GUCY1A2: variants seen among roughly 807,000 people sequenced by gnomAD.
GUCY1A2 encodes the protein guanylate cyclase soluble subunit alpha-2.
GUCY1A2 carries 27 observed loss-of-function variants against 63.5 expected under a neutral mutation model. The observed-to-expected ratio is 0.43, with a 90% CI of 0.31 to 0.59. The LOEUF is 0.59. Among genes scored for constraint, GUCY1A2 ranks in the 20% least tolerant of loss-of-function variants. The pLI, the probability that GUCY1A2 is intolerant of heterozygous loss-of-function variation, is 0.11. For missense variants in GUCY1A2, 768 were observed against 913.3 expected (o/e 0.84, Z 2.05); for synonymous variants, 364 against 343.5 (o/e 1.06, Z -0.66).
chr11:106,845,739 C>T (rs1859261631), intron 4 of GUCY1A2, among the ~76,000 whole-genome samples: 1 of 151,484 alleles, frequency 6.6e-6, no homozygotes, highest in Non-Finnish European at 1.5e-5. Flanking sequence ...TAGAAAATCA[C>T]CATTTTGCCA....
Position 106,685,404 on chromosome 11 carries a change from G to C in GUCY1A2, c.*2145C>G, listed in dbSNP as rs1862508471. On this transcript the variant is annotated 3_prime_UTR_variant, in exon 8 of 8. Coordinates refer to ENST00000526355, the MANE Select transcript of GUCY1A2 (RefSeq NM_000855.3). ...TCTTAAGTATGGAGATAATAAATAT[G>C]TGTTTAGAGTAGTTGCTTAGACAAA... is the stretch of plus-strand genomic sequence containing the variant. 4.6e-6 allele frequency: 1 copy of C among 217,402 alleles called. No homozygotes were observed. The highest frequency in any genetic ancestry group is 2.2e-5 in the African/African-American group (1 of 44,472). 13.5% of individuals were successfully genotyped at this position (217,402 alleles called of 1,614,324 possible). A position where few individuals can be genotyped will look rare whatever the true frequency, so the allele number is the denominator to read the frequency against.
intron 7 of GUCY1A2, among the ~76,000 whole-genome samples, chr11:106,703,945 C>A (rs1031572586): frequency 6.6e-6 from 1 of 151,918 alleles, no homozygotes; most frequent in Middle Eastern, 3.4e-3. Context: ...TAATTATGTA[C>A]CTTAGCTTAA....
chr11:106,997,747 G>T (rs1861560126), intron 1 of GUCY1A2, among the ~76,000 whole-genome samples: 1 of 151,850 alleles, frequency 6.6e-6, no homozygotes, highest in Admixed American at 6.6e-5. Context: ...AATGTCGGTG[G>T]TTACCAACTT....
At position 106,939,446 on chromosome 11, in the gene GUCY1A2, T is replaced by C; in HGVS notation, c.1206+14A>G. ...TTCTAGTTCCCATCACCATCTCAAG[T>C]CCATAGCACTTACCTTGTCTTTATT... On this transcript the variant is annotated intron_variant, in intron 4 of 7. Transcript: ENST00000526355. 1.5e-6 allele frequency: 2 copies of C among 1,326,654 alleles called. No homozygotes were observed. Among genetic ancestry groups the C allele is most frequent in the Non-Finnish European group, 2.1e-6 (2 of 930,258 alleles). The allele number at this position is 1,326,654 out of a possible 1,614,324, so 82.2% of individuals were successfully genotyped here.
At chr11:107,002,730 T>A (rs551574932) in intron 1 of GUCY1A2, among the ~76,000 whole-genome samples, 2 of 152,198 alleles carry the variant, frequency 1.3e-5, no homozygotes, top group Non-Finnish European at 2.9e-5. Context: ...CCATAGTCAG[T>A]GCAGCTGCCA....
intron 5 of GUCY1A2, among the ~76,000 whole-genome samples, chr11:106,785,851 G>A (rs1321835713): frequency 6.8e-6 from 1 of 147,284 alleles, no homozygotes; most frequent in Non-Finnish European, 1.5e-5. Flanking sequence ...GTTAAAAATA[G>A]TACAATATTC....
chr11:106,838,539 T>C (rs1859147954), intron 4 of GUCY1A2, among the ~76,000 whole-genome samples: 1 of 151,992 alleles, frequency 6.6e-6, no homozygotes, highest in Non-Finnish European at 1.5e-5. Context: ...TTCATCTTTA[T>C]AAGCAGCCGC....
chr11:106,997,847 A>C (rs1168811277), intron 1 of GUCY1A2, among the ~76,000 whole-genome samples: 6 of 152,114 alleles, frequency 3.9e-5, no homozygotes, highest in Non-Finnish European at 5.9e-5. Context: ...TCTAAGTGGG[A>C]TAATGTATGT....
Position 106,955,824 on chromosome 11 carries a change from T to C in GUCY1A2, c.488-15646A>G, listed in dbSNP as rs1030512638. On this transcript the variant is annotated intron_variant, in intron 3 of 7. Coordinates refer to ENST00000526355, the MANE Select transcript of GUCY1A2 (RefSeq NM_000855.3). Reference sequence around the variant, plus strand: ...TCTTAATGATGTTCTCTGTATTTCCTGAATTTTCATGTTGGCCTGTCTTGC... The same window carrying C: ...TCTTAATGATGTTCTCTGTATTTCCCGAATTTTCATGTTGGCCTGTCTTGC... 1.3e-3 allele frequency among the ~76,000 whole-genome samples: 203 copies of C among 152,246 alleles called. 1 individual carries two copies. Among genetic ancestry groups the C allele is most frequent in the African/African-American group, 4.7e-3 (196 of 41,562 alleles).
At chr11:106,779,392 T>G (rs1481587411) in intron 5 of GUCY1A2, among the ~76,000 whole-genome samples, 3 of 152,222 alleles carry the variant, frequency 2.0e-5, no homozygotes, top group African/African-American at 7.2e-5. Flanking sequence ...TTACCCCTAA[T>G]AAGACAATGT....
At chr11:106,877,557 G>T (rs1859766875) in intron 4 of GUCY1A2, among the ~76,000 whole-genome samples, 1 of 151,990 alleles carries the variant, frequency 6.6e-6, no homozygotes, top group Non-Finnish European at 1.5e-5. Flanking sequence ...CTGGTACTGG[G>T]ATAACTGGCT....
intron 7 of GUCY1A2, among the ~76,000 whole-genome samples, chr11:106,705,586 C>A (rs1166474169): frequency 6.6e-6 from 1 of 151,974 alleles, no homozygotes; most frequent in East Asian, 1.9e-4. Context: ...TGAGGCAGGG[C>A]GCAGTGGCTC....
rs1374143571 is a variant in GUCY1A2 at position 106,675,601 on chromosome 11, A to G, written c.*11948T>C. The G allele has an allele frequency of 5.3e-6, 1 of 190,026 alleles. No homozygotes were observed. Among genetic ancestry groups the G allele is most frequent in the Non-Finnish European group, 1.1e-5 (1 of 90,546 alleles). The allele number at this position is 190,026 out of a possible 1,614,324, so 11.8% of individuals were successfully genotyped here. On this transcript the variant is annotated 3_prime_UTR_variant, in exon 8 of 8. Coordinates refer to ENST00000526355, the MANE Select transcript of GUCY1A2 (RefSeq NM_000855.3). ...TTAATTTCTTCTATTTTTCTCAACC[A>G]TATTTCTTCTATTTTTACAATCATT... is the stretch of plus-strand genomic sequence containing the variant.
intron 3 of GUCY1A2, among the ~76,000 whole-genome samples, chr11:106,962,889 G>C (rs1321737257): frequency 6.6e-6 from 1 of 151,688 alleles, no homozygotes; most frequent in Non-Finnish European, 1.5e-5. Context: ...TATCCATCAT[G>C]TGCTTATGCT....
intron 6 of GUCY1A2, among the ~76,000 whole-genome samples, chr11:106,761,721 G>T (rs1864069952): frequency 6.6e-6 from 1 of 152,140 alleles, no homozygotes; most frequent in Non-Finnish European, 1.5e-5. Flanking sequence ...GGGAAGCTTT[G>T]CCATGATTGT....
intron 3 of GUCY1A2, among the ~76,000 whole-genome samples, chr11:106,960,418 G>A (rs1861044208): frequency 1.3e-5 from 2 of 152,264 alleles, no homozygotes; most frequent in African/African-American, 4.8e-5. Context: ...CCAAGACTCA[G>A]CACAGGATGC....
chr11:106,997,618 C>CA (rs1491543965), intron 1 of GUCY1A2, among the ~76,000 whole-genome samples: 31 of 6,512 alleles, frequency 4.8e-3, no homozygotes, highest in African/African-American at 9.5e-3. Flanking sequence ...AGATAGGGAA[C>CA]CCCCCCCCCC....
chr11:106,907,959 TG>T (rs1428701800), intron 4 of GUCY1A2, among the ~76,000 whole-genome samples: 4 of 152,158 alleles, frequency 2.6e-5, no homozygotes, highest in Non-Finnish European at 5.9e-5. Context: ...CAAATCTTTC[TG>T]GCAGATTTCT....
Position 106,677,161 on chromosome 11 carries a change from T to C in GUCY1A2, c.*10388A>G. 1 of 217,028 alleles carries C rather than the reference T, an allele frequency of 4.6e-6. No individual in the cohort carries two copies. The highest frequency in any genetic ancestry group is 9.2e-6 in the Non-Finnish European group (1 of 108,294). The allele number at this position is 217,028 out of a possible 1,614,324, so 13.4% of individuals were successfully genotyped here. A position where few individuals can be genotyped will look rare whatever the true frequency, so the allele number is the denominator to read the frequency against. ...TTATCTTATAAGAGCTAGAAAGAAA[T>C]AAAGCAAAGAGGGAGGGAAGGAAAG... On this transcript the variant is annotated 3_prime_UTR_variant, in exon 8 of 8. Coordinates refer to ENST00000526355, the MANE Select transcript of GUCY1A2 (RefSeq NM_000855.3).
Sources: gnomAD v4.1 joint callset for allele counts (sites outside exome capture counted in the v4.1 genomes callset) on GRCh38, gnomAD v4.1.1 for gene constraint, MANE v1.5 for transcripts, NCBI Gene and HGNC (gene_info 2026-07-23, HGNC 2026-07-21) for gene names.